Variants in ATG2B observed in about 807,000 individuals in gnomAD.
ATG2B encodes autophagy related 2B, also known as autophagy-related protein 2 homolog B.
In ATG2B, 121 loss-of-function variants were observed where a neutral mutation model predicts 241.3. The observed-to-expected ratio is 0.50, with a 90% CI of 0.43 to 0.58. The LOEUF is 0.58. ATG2B is among the 20% of genes least tolerant of loss of function. The pLI is 0.00. For missense variants in ATG2B, 2,306 were observed against 2,491.6 expected, an observed-to-expected ratio of 0.93 and a Z score of 1.59; for synonymous variants, 858 against 876.6, an observed-to-expected ratio of 0.98 and a Z score of 0.37.
rs1481465436 is a variant in ATG2B at position 96,322,703 on chromosome 14, T to C, written c.2573A>G (p.His858Arg). ...IVLKINPPAM[H>R]SILERIAAEE... ...AGCTGCAATTCTCTCCAAAATGGAA[T>C]GCATGGCTGGTGGATTTATTTTCAG... The change falls in exon 17 of 42, where the codon CAT becomes CGT. Residue 858 changes from histidine (H) to arginine (R), a missense_variant. Physicochemically the swap from His to Arg is conservative, Grantham distance 29. Coordinates refer to ENST00000359933, the MANE Select transcript of ATG2B (RefSeq NM_018036.7). The C allele has an allele frequency of 1.2e-6, 2 of 1,613,330 alleles. No individual in the cohort carries two copies. The highest frequency in any genetic ancestry group is 1.7e-6 in the Non-Finnish European group (2 of 1,179,756).
At position 96,329,629 on chromosome 14, in the gene ATG2B, A is replaced by C; in HGVS notation, c.1736T>G (p.Ile579Arg). 6.3e-7 allele frequency: 1 copy of C among 1,588,806 alleles called. No individual in the cohort carries two copies. Among genetic ancestry groups the C allele is most frequent in the Non-Finnish European group, 8.6e-7 (1 of 1,162,692 alleles). The change falls in exon 12 of 42, where the codon ATA (isoleucine) becomes AGA (arginine). Residue 579 changes from isoleucine (I) to arginine (R), a missense_variant. Transcript: ENST00000359933. ...ATAGGATACTTTAATGCCAGTACCT[A>C]TAAATCTATTATAAAAAATGCACCA... ...EACSHDHLRF[I>R]GTGIKVSYEQ...
At chr14:96,345,674 A>G (rs1888152065) in intron 2 of ATG2B, among the ~76,000 whole-genome samples, 2 of 152,158 alleles carry the variant, frequency 1.3e-5, no homozygotes, top group African/African-American at 4.8e-5. Flanking sequence ...CAAATACTTA[A>G]TGGATATCCT....
At chr14:96,296,127 G>C (rs146695538) in intron 34 of ATG2B, among the ~76,000 whole-genome samples, 134 of 152,226 alleles carry the variant, frequency 8.8e-4, no homozygotes, top group African/African-American at 3.1e-3. Flanking sequence ...CTAATTTTTG[G>C]TATTTTCAGT....
At chr14:96,361,925 A>T (rs912792954) in intron 1 of ATG2B, among the ~76,000 whole-genome samples, 1 of 152,178 alleles carries the variant, frequency 6.6e-6, no homozygotes, top group African/African-American at 2.4e-5. Context: ...TGGCTAAGGA[A>T]GTAAGGGTTG....
intron 1 of ATG2B, among the ~76,000 whole-genome samples, chr14:96,359,010 C>G: frequency 6.6e-6 from 1 of 152,132 alleles, no homozygotes; most frequent in East Asian, 1.9e-4. Flanking sequence ...GTTTCTTGAA[C>G]TGAAGATAAT....
In ATG2B at chr14:96,328,689, C is replaced by A; in HGVS notation, c.1959G>T (p.Glu653Asp). Reference sequence around the variant, plus strand: ...GATCTCTTACCTGGGGCCCTCTATTCTCAGAATGCTTATAATGAAGCTGAA... The same window carrying A: ...GATCTCTTACCTGGGGCCCTCTATTATCAGAATGCTTATAATGAAGCTGAA... ...VCLQLHYKHS[E>D]NRGPQGNQAR... The change falls in exon 13 of 42, where the codon GAG (glutamate) becomes GAT (aspartate). Residue 653 changes from glutamate to aspartate, a missense_variant. By Grantham distance (45) the Glu-to-Asp change is conservative. Around this residue, in one of 2 missense-constraint regions of ATG2B, gnomAD observed 1,927 missense variants for 2,011.2 expected, o/e 0.96. Coordinates refer to ENST00000359933, the MANE Select transcript of ATG2B (RefSeq NM_018036.7). The A allele has an allele frequency of 1.9e-6, 3 of 1,608,252 alleles. No individual in the cohort carries two copies. Among genetic ancestry groups the A allele is most frequent in the Middle Eastern group, 1.7e-4 (1 of 6,032 alleles).
rs538463835 is a variant in ATG2B at position 96,357,304 on chromosome 14, G to C, written c.162+5511C>G. ...TGGAGTTCATCTAAGTTTCATCTTCGGCCTTTTTTGTTTCTCAAGCTGATC... is the reference window on the plus strand; with the variant it reads ...TGGAGTTCATCTAAGTTTCATCTTCCGCCTTTTTTGTTTCTCAAGCTGATC... On this transcript the variant is annotated intron_variant, in intron 1 of 41. Coordinates refer to ENST00000359933, the MANE Select transcript of ATG2B (RefSeq NM_018036.7). Among the ~76,000 whole-genome samples, 12 of 151,646 alleles carry C rather than the reference G, an allele frequency of 7.9e-5. No individual in the cohort carries two copies. In the South Asian group the frequency reaches 2.5e-3, roughly 32 times the overall value.
In ATG2B at chr14:96,317,313, C is replaced by T. The variant is rs763108518; in HGVS notation, c.3042G>A (p.Glu1014=). 1.9e-6 allele frequency: 3 copies of T among 1,608,282 alleles called. No individual in the cohort carries two copies. Among genetic ancestry groups the T allele is most frequent in the South Asian group, 2.2e-5 (2 of 89,778 alleles). ...AAGTCTCCTCCTCAGATCCACTTTC[C>T]TCATCTATGAGAAATAAACATACAA... ...SAFKSAVHYD[E]ESGSEEETLQ... is the part of the protein sequence containing the mutation. The change falls in exon 20 of 42, where the codon GAG becomes GAA. Residue 1014 remains glutamate (E), a synonymous_variant. Transcript: ENST00000359933.
Position 96,281,563 on chromosome 14 carries a change from C to T in ATG2B, c.*4192G>A, listed in dbSNP as rs1304691582. 1 of 152,146 alleles carries T rather than the reference C, an allele frequency of 6.6e-6. No homozygotes were observed. The highest frequency in any genetic ancestry group is 1.5e-5 in the Non-Finnish European group (1 of 68,034). The allele number at this position is 152,146 out of a possible 1,614,324, so 9.4% of individuals were successfully genotyped here. ...TGAAAAAGCAAATAGCCCTGGGTGA[C>T]CAGCAAGTTATACAAACAATGCAAG... On this transcript the variant is annotated 3_prime_UTR_variant, in exon 42 of 42. Transcript: ENST00000359933.
intron 23 of ATG2B, 140 bp from the exon 24 acceptor site, chr14:96,313,575 A>G (rs1343708042): frequency 3.9e-6 from 2 of 518,364 alleles, no homozygotes; most frequent in Admixed American, 3.8e-5. Flanking sequence ...AAGGAAAAAA[A>G]TCATCATTTT....
intron 11 of ATG2B, 46 bp from the exon 12 acceptor site, chr14:96,329,680 A>G: frequency 7.7e-7 from 1 of 1,302,616 alleles, no homozygotes; most frequent in Non-Finnish European, 1.1e-6. Flanking sequence ...GTTAAAATGT[A>G]ACAATTATCC....
intron 1 of ATG2B, among the ~76,000 whole-genome samples, chr14:96,354,012 C>T (rs1888405971): frequency 6.6e-6 from 1 of 152,060 alleles, no homozygotes; most frequent in African/African-American, 2.4e-5. Flanking sequence ...TTATTCTCTA[C>T]AACTATTTAA....
At position 96,289,704 on chromosome 14, in the gene ATG2B, T is replaced by C. The variant is rs1044102182; in HGVS notation, c.5958A>G (p.Pro1986=). The C allele has an allele frequency of 3.1e-6, 5 of 1,614,218 alleles. No homozygotes were observed. The highest frequency in any genetic ancestry group is 1.7e-5 in the Admixed American group (1 of 60,030). The change falls in exon 41 of 42, where the codon CCA becomes CCG. Residue 1986 remains proline, a synonymous_variant. Coordinates refer to ENST00000359933, the MANE Select transcript of ATG2B (RefSeq NM_018036.7). The surrounding 1 kb of genome is among the most constrained non-coding windows in gnomAD (Gnocchi z 4.3). ...RFPHHRLAHQ[P]VDLREGVAKA... is the part of the protein sequence containing the mutation. ...TGGCCACACCTTCCCTCAGGTCTAC[T>C]GGCTGGTGGGCTAACCGGTGATGAG...
intron 11 of ATG2B, 134 bp downstream of exon 11, chr14:96,331,242 A>T: frequency 2.3e-6 from 2 of 867,034 alleles, no homozygotes; most frequent in Non-Finnish European, 3.5e-6. Context: ...CATTCCATTC[A>T]TTTACAAATA....
rs887261120 is a variant in ATG2B, at chr14:96,286,105, C to CA, written c.6007-121dup. 7.7e-4 allele frequency: 497 copies of CA among 645,732 alleles called. 1 individual carries two copies. The highest frequency in any genetic ancestry group is 1.4e-3 in the South Asian group (58 of 40,528). 40.0% of individuals were successfully genotyped at this position (645,732 alleles called of 1,614,324 possible). A position where few individuals can be genotyped will look rare whatever the true frequency, so the allele number is the denominator to read the frequency against. On this transcript the variant is annotated intron_variant, in intron 41 of 41. Coordinates refer to ENST00000359933, the MANE Select transcript of ATG2B (RefSeq NM_018036.7). The stretch of plus-strand genomic sequence containing the variant: ...AGGTAACATTATGTTTGTAACCAGA[C>CA]AAAAAAAAATGCCATGCTTTTAGAT...
At chr14:96,337,397 T>C (rs1291074193) in intron 6 of ATG2B, among the ~76,000 whole-genome samples, 1 of 152,184 alleles carries the variant, frequency 6.6e-6, no homozygotes, top group Non-Finnish European at 1.5e-5. Flanking sequence ...ATCAATATGA[T>C]TCCCTAAGAG....
At position 96,282,784 on chromosome 14, in the gene ATG2B, A is replaced by G. The variant is rs1434222905; in HGVS notation, c.*2971T>C. 1.3e-5 allele frequency: 2 copies of G among 152,260 alleles called. No homozygotes were observed. The highest frequency in any genetic ancestry group is 4.8e-5 in the African/African-American group (2 of 41,464). The allele number at this position is 152,260 out of a possible 1,614,324, so 9.4% of individuals were successfully genotyped here. A position where few individuals can be genotyped will look rare whatever the true frequency, so the allele number is the denominator to read the frequency against. ...ACATCGTTTTTAAAGGAGATAGTTA[A>G]AAAGTAATGCCCTAAAAGCCAGAAA... On this transcript the variant is annotated 3_prime_UTR_variant, in exon 42 of 42. Coordinates refer to ENST00000359933, the MANE Select transcript of ATG2B (RefSeq NM_018036.7).
chr14:96,309,309 A>C, intron 29 of ATG2B, 144 bp downstream of exon 29: 1 of 1,029,250 alleles, frequency 9.7e-7, no homozygotes, highest in East Asian at 2.4e-5. Context: ...CTAGACACTG[A>C]GTAGACACAA....
chr14:96,342,921 A>G (rs1888080573), intron 5 of ATG2B, among the ~76,000 whole-genome samples, 198 bp downstream of exon 5: 1 of 152,126 alleles, frequency 6.6e-6, no homozygotes, highest in Admixed American at 6.6e-5. Flanking sequence ...AAACTAATAC[A>G]CAGCACACTG....
Sources: allele counts gnomAD v4.1 joint callset (sites outside exome capture counted in the v4.1 genomes callset), GRCh38; gene constraint gnomAD v4.1.1; regional missense constraint gnomAD v4.1.1; non-coding constraint Gnocchi (gnomAD v3.1); transcripts MANE v1.5; gene names NCBI Gene and HGNC (gene_info 2026-07-23, HGNC 2026-07-21).